The following ZFPM2 variants were observed in gnomAD, a reference collection of about 807,000 sequenced individuals.
ZFPM2 encodes zinc finger protein, FOG family member 2, also known as zinc finger protein ZFPM2.
In ZFPM2, 20 loss-of-function variants were observed where a neutral mutation model predicts 98.6. The ratio of observed to expected loss-of-function variants is 0.20; its 90% CI spans 0.14 to 0.29. The LOEUF (loss-of-function observed/expected upper bound fraction) is 0.29, where lower values mean the gene tolerates loss of function less well. ZFPM2 is among the 10% of genes least tolerant of loss of function. The pLI is 1.00. For missense variants in ZFPM2, 1,310 were observed against 1,388.6 expected (o/e 0.94, Z 0.90); for synonymous variants, 518 against 502.7 (o/e 1.03, Z -0.41).
intron 6 of ZFPM2, among the ~76,000 whole-genome samples, chr8:105,797,527 T>C (rs1408535277): frequency 1.3e-5 from 2 of 152,164 alleles, no homozygotes; most frequent in Non-Finnish European, 2.9e-5. Context: ...TAAGACAAAA[T>C]CTAAAACTTG....
chr8:105,376,040 C>T (rs1382138611), intron 1 of ZFPM2, among the ~76,000 whole-genome samples: 1 of 151,930 alleles, frequency 6.6e-6, no homozygotes, highest in Non-Finnish European at 1.5e-5. Context: ...CTTTCATTTC[C>T]TCTTCTCTCT....
rs541574390 is a variant in ZFPM2, at chr8:105,623,392, C to T, written c.421-10854C>T. ...TGTAATAACAGGTATATTTTAAGTT[C>T]GAGATATAAGCAAGTTAATAGTTTA... On this transcript the variant is annotated intron_variant, in intron 4 of 7. Coordinates refer to ENST00000407775, the MANE Select transcript of ZFPM2 (RefSeq NM_012082.4). 2.9e-3 allele frequency among the ~76,000 whole-genome samples: 445 copies of T among 152,136 alleles called. 3 individuals carry two copies. Among genetic ancestry groups the T allele is most frequent in the African/African-American group, 9.5e-3 (396 of 41,526 alleles).
At position 105,802,855 on chromosome 8, in the gene ZFPM2, C is replaced by T. The variant is rs373935740; in HGVS notation, c.2773C>T (p.Pro925Ser). ...KCEKNGNLKQ[P>S]SPNGNLFSSH... is the part of the protein sequence containing the mutation. The stretch of plus-strand genomic sequence containing the variant: ...TGAGAAAAATGGGAATTTGAAGCAG[C>T]CTTCCCCCAATGGAAACTTATTTTC... Residue 925 changes from proline (P) to serine (S), a missense_variant, in exon 8 of 8, where the codon CCT (proline) becomes TCT (serine). Pro to Ser is a moderately conservative substitution (Grantham distance 74, BLOSUM62 -1). Coordinates refer to ENST00000407775, the MANE Select transcript of ZFPM2 (RefSeq NM_012082.4). 1.2e-6 allele frequency: 2 copies of T among 1,613,694 alleles called. No individual in the cohort carries two copies. Among genetic ancestry groups the T allele is most frequent in the Non-Finnish European group, 1.7e-6 (2 of 1,179,806 alleles).
intron 4 of ZFPM2, among the ~76,000 whole-genome samples, chr8:105,577,483 A>G (rs58313910): frequency 8.0e-4 from 121 of 152,140 alleles, no homozygotes; most frequent in Middle Eastern, 3.4e-3. Flanking sequence ...GCACACCTCT[A>G]TTATTGAAAG....
At chr8:105,698,147 A>T (rs905194910) in intron 5 of ZFPM2, among the ~76,000 whole-genome samples, 22 of 152,314 alleles carry the variant, frequency 1.4e-4, no homozygotes, top group Admixed American at 1.4e-3. Flanking sequence ...TTGAATTGAA[A>T]TCAGTGCTAA....
At chr8:105,614,255 T>A (rs1054011590) in intron 4 of ZFPM2, among the ~76,000 whole-genome samples, 1 of 152,198 alleles carries the variant, frequency 6.6e-6, no homozygotes, top group Non-Finnish European at 1.5e-5. Context: ...AGTATGAGCA[T>A]GTTGCATGTT....
At chr8:105,490,514 C>T (rs1044155600) in intron 3 of ZFPM2, among the ~76,000 whole-genome samples, 4 of 152,098 alleles carry the variant, frequency 2.6e-5, no homozygotes, top group Admixed American at 6.5e-5. Context: ...GCTATTGTTG[C>T]CTAAAACTTC....
At chr8:105,462,861 A>G (rs1260772631) in intron 3 of ZFPM2, among the ~76,000 whole-genome samples, 1 of 152,172 alleles carries the variant, frequency 6.6e-6, no homozygotes, top group African/African-American at 2.4e-5. Flanking sequence ...TCAAAAAATA[A>G]AAGTCGTTTA....
chr8:105,418,086 A>C (rs1385895981), intron 1 of ZFPM2, among the ~76,000 whole-genome samples: 1 of 152,116 alleles, frequency 6.6e-6, no homozygotes, highest in Admixed American at 6.6e-5. Flanking sequence ...TAGTATATGC[A>C]CTATTTTAAA....
At chr8:105,350,310 G>T (rs191277986) in intron 1 of ZFPM2, among the ~76,000 whole-genome samples, 10 of 152,254 alleles carry the variant, frequency 6.6e-5, no homozygotes, top group African/African-American at 2.4e-4. Context: ...TTCCTTGGCC[G>T]TAGGTGGGTT....
chr8:105,507,717 C>T (rs80043424), intron 3 of ZFPM2, among the ~76,000 whole-genome samples: 3,031 of 152,232 alleles, frequency 0.02, 80 homozygotes, highest in African/African-American at 0.059. Flanking sequence ...TGTGCAAAAA[C>T]GGCCCAACCA....
chr8:105,707,965 A>G (rs1233174104), intron 5 of ZFPM2, among the ~76,000 whole-genome samples: 1 of 152,126 alleles, frequency 6.6e-6, no homozygotes, highest in Admixed American at 6.5e-5. Context: ...TGAGGAAAAT[A>G]ATTTTTAACT....
chr8:105,590,658 G>A (rs541664297), intron 4 of ZFPM2, among the ~76,000 whole-genome samples: 2 of 152,276 alleles, frequency 1.3e-5, no homozygotes, highest in South Asian at 4.1e-4. Context: ...GATGTGATAG[G>A]TTGGAATATT....
intron 5 of ZFPM2, among the ~76,000 whole-genome samples, chr8:105,735,990 G>A (rs1486187927): frequency 6.6e-6 from 1 of 151,930 alleles, no homozygotes; most frequent in African/African-American, 2.4e-5. Flanking sequence ...GGGAAATTTT[G>A]CTTGTGAACA....
intron 5 of ZFPM2, among the ~76,000 whole-genome samples, chr8:105,702,608 A>G (rs1162479074): frequency 2.6e-5 from 4 of 152,218 alleles, no homozygotes; most frequent in African/African-American, 4.8e-5. Context: ...CTTATTTTAC[A>G]TTAGAAGTCA....
At chr8:105,691,059 A>G (rs1460636905) in intron 5 of ZFPM2, 1 of 151,898 alleles carries the variant, frequency 6.6e-6, no homozygotes, top group Non-Finnish European at 1.5e-5. Context: ...AATTCTTATT[A>G]TCCTCTCCTA....
At chr8:105,672,543 C>T (rs1323046633) in intron 5 of ZFPM2, among the ~76,000 whole-genome samples, 5 of 151,820 alleles carry the variant, frequency 3.3e-5, no homozygotes, top group Admixed American at 3.3e-4. Context: ...TATAAGAGTG[C>T]CATTGATTTT....
chr8:105,719,214 T>C (rs180696985), intron 5 of ZFPM2, among the ~76,000 whole-genome samples: 4 of 152,090 alleles, frequency 2.6e-5, no homozygotes, highest in African/African-American at 9.6e-5. Flanking sequence ...ATCATCATCA[T>C]CCTAATCACC....
At chr8:105,658,257 GA>G (rs201679193) in intron 5 of ZFPM2, among the ~76,000 whole-genome samples, 3,173 of 151,132 alleles carry the variant, frequency 0.021, 52 homozygotes, top group Non-Finnish European at 0.033. Flanking sequence ...GTATTTCAGT[GA>G]CCTTTGAATC....
Sources: allele counts gnomAD v4.1 joint callset (sites outside exome capture counted in the v4.1 genomes callset), GRCh38; gene constraint gnomAD v4.1.1; transcripts MANE v1.5; gene names NCBI Gene and HGNC (gene_info 2026-07-23, HGNC 2026-07-21).